CAMK2D: variants seen among roughly 807,000 people sequenced by gnomAD.
The protein encoded by CAMK2D is calcium/calmodulin dependent protein kinase II delta.
Under a neutral mutation model 84.0 loss-of-function variants are expected in CAMK2D, and 37 were observed. The observed-to-expected ratio is 0.44, with a 90% CI of 0.34 to 0.58. The LOEUF (loss-of-function observed/expected upper bound fraction) is 0.58. Among genes scored for constraint, CAMK2D ranks in the 20% least tolerant of loss-of-function variants. The pLI is 0.02. For synonymous variants in CAMK2D, 202 were observed against 212.5 expected, an observed-to-expected ratio of 0.95 and a Z score of 0.43; for missense variants, 448 against 652.5, an observed-to-expected ratio of 0.69 and a Z score of 3.41.
intron 3 of CAMK2D, among the ~76,000 whole-genome samples, chr4:113,612,671 T>G (rs1219760388): frequency 2.0e-5 from 3 of 152,228 alleles, no homozygotes; most frequent in African/African-American, 4.8e-5. Context: ...AAACAGGTTA[T>G]AATACATTTT....
intron 11 of CAMK2D, 23 bp downstream of exon 11, chr4:113,513,807 C>A: frequency 8.9e-7 from 1 of 1,127,338 alleles, no homozygotes; most frequent in Non-Finnish European, 1.3e-6. Flanking sequence ...TCTACCTCCC[C>A]ATAAAAATGT....
At chr4:113,594,513 T>G (rs892010970) in intron 4 of CAMK2D, among the ~76,000 whole-genome samples, 4 of 152,082 alleles carry the variant, frequency 2.6e-5, no homozygotes, top group Non-Finnish European at 5.9e-5. Context: ...AGGGCTTTAA[T>G]GGAAAAAATA....
intron 2 of CAMK2D, among the ~76,000 whole-genome samples, chr4:113,755,249 A>G (rs2099626038): frequency 6.6e-6 from 1 of 151,518 alleles, no homozygotes; most frequent in South Asian, 2.1e-4. Context: ...TTTTGCATAC[A>G]TGGTCAAGTA....
At chr4:113,560,597 C>G (rs1055769225) in intron 4 of CAMK2D, among the ~76,000 whole-genome samples, 1 of 151,952 alleles carries the variant, frequency 6.6e-6, no homozygotes, top group African/African-American at 2.4e-5. Context: ...CAATACTTAC[C>G]TTTTTAGCAT....
intron 16 of CAMK2D, among the ~76,000 whole-genome samples, chr4:113,482,282 A>T (rs1486124683): frequency 3.9e-5 from 6 of 152,224 alleles, no homozygotes; most frequent in African/African-American, 1.4e-4. Context: ...AATTCCAAAA[A>T]AAAGTGTGCA....
chr4:113,724,581 C>G (rs370287351), intron 2 of CAMK2D, among the ~76,000 whole-genome samples: 1 of 151,710 alleles, frequency 6.6e-6, no homozygotes, highest in African/African-American at 2.4e-5. Flanking sequence ...AAAAAAAAAG[C>G]CTCCCAATCT....
At chr4:113,704,337 G>A (rs1014849574) in intron 2 of CAMK2D, among the ~76,000 whole-genome samples, 1 of 151,772 alleles carries the variant, frequency 6.6e-6, no homozygotes, top group African/African-American at 2.4e-5. Flanking sequence ...TGATTGTACT[G>A]GGATATTCTG....
chr4:113,622,729 G>A (rs534698858), intron 3 of CAMK2D, among the ~76,000 whole-genome samples: 43 of 152,228 alleles, frequency 2.8e-4, no homozygotes, highest in African/African-American at 9.4e-4. Flanking sequence ...GCACCACTGC[G>A]CTCCAACCTG....
intron 6 of CAMK2D, among the ~76,000 whole-genome samples, chr4:113,544,546 G>A (rs553961810): frequency 5.3e-5 from 8 of 152,216 alleles, no homozygotes; most frequent in South Asian, 2.1e-4. Flanking sequence ...CTAAATTTTC[G>A]TTTACATACT....
In CAMK2D at chr4:113,741,192, G is replaced by A. The variant is rs148933478; in HGVS notation, c.160+18128C>T. 1.5e-3 allele frequency among the ~76,000 whole-genome samples: 235 copies of A among 152,208 alleles called. 1 individual carries two copies. Among genetic ancestry groups the A allele is most frequent in the African/African-American group, 5.5e-3 (229 of 41,528 alleles). On this transcript the variant is annotated intron_variant, in intron 2 of 20. Coordinates refer to ENST00000511664, the MANE Select transcript of CAMK2D (RefSeq NM_001321571.2). ...AATTGGAATATGCCAAGGAGAAGCCGTTCAGCAAAGGAAACTGTGCTTCCT... is the reference window on the plus strand; with the variant it reads ...AATTGGAATATGCCAAGGAGAAGCCATTCAGCAAAGGAAACTGTGCTTCCT...
intron 2 of CAMK2D, among the ~76,000 whole-genome samples, chr4:113,712,353 T>C (rs1244500782): frequency 6.6e-6 from 1 of 152,140 alleles, no homozygotes; most frequent in African/African-American, 2.4e-5. Context: ...AGGTTCAAAT[T>C]CATATATTAT....
intron 4 of CAMK2D, among the ~76,000 whole-genome samples, chr4:113,594,962 C>T (rs1445804947): frequency 6.6e-6 from 1 of 151,956 alleles, no homozygotes; most frequent in African/African-American, 2.4e-5. Flanking sequence ...TTCCTCAGAT[C>T]CAGGAAACTC....
intron 2 of CAMK2D, among the ~76,000 whole-genome samples, chr4:113,720,806 T>C (rs2099528466): frequency 6.6e-6 from 1 of 152,150 alleles, no homozygotes; most frequent in Non-Finnish European, 1.5e-5. Context: ...TATGAAATTC[T>C]GTGACAGAAA....
intron 2 of CAMK2D, among the ~76,000 whole-genome samples, chr4:113,696,187 GACACACAGACACAC>G (rs745524091): frequency 5.7e-4 from 39 of 68,852 alleles, no homozygotes; most frequent in South Asian, 2.1e-3. Flanking sequence ...CAGACACACA[GACACACAGACACAC>G]ACACACACAC....
At chr4:113,722,495 T>C (rs768619589) in intron 2 of CAMK2D, among the ~76,000 whole-genome samples, 3 of 152,000 alleles carry the variant, frequency 2.0e-5, no homozygotes, top group Non-Finnish European at 4.4e-5. Flanking sequence ...ATAATACTTA[T>C]AAAGACAATA....
At chr4:113,554,861 T>C (rs938169569) in intron 4 of CAMK2D, among the ~76,000 whole-genome samples, 2 of 152,130 alleles carry the variant, frequency 1.3e-5, no homozygotes. Flanking sequence ...AATAAATTGA[T>C]GTCAGAGTTC....
intron 7 of CAMK2D, among the ~76,000 whole-genome samples, chr4:113,535,478 A>G (rs1449707473): frequency 6.6e-6 from 1 of 152,140 alleles, no homozygotes; most frequent in East Asian, 1.9e-4. Flanking sequence ...ATTAAACAAC[A>G]TACACCCAGT....
chr4:113,496,748 C>T (rs2097939479), intron 16 of CAMK2D, among the ~76,000 whole-genome samples: 1 of 152,158 alleles, frequency 6.6e-6, no homozygotes, highest in Admixed American at 6.5e-5. Context: ...CACTCCCAGA[C>T]TCCCATTTGC....
At chr4:113,504,841 AAAAAAC>A (rs893011373) in intron 14 of CAMK2D, 129 bp downstream of exon 14, 17 of 367,396 alleles carry the variant, frequency 4.6e-5, no homozygotes, top group African/African-American at 3.2e-4. Flanking sequence ...CAAAAAAAAA[AAAAAAC>A]AAAACCCAAC....
Sources: allele counts gnomAD v4.1 joint callset (sites outside exome capture counted in the v4.1 genomes callset), GRCh38; gene constraint gnomAD v4.1.1; transcripts MANE v1.5; gene names NCBI Gene and HGNC (gene_info 2026-07-23, HGNC 2026-07-21).